Variants in SGCZ observed in about 807,000 individuals in gnomAD.
SGCZ encodes the protein sarcoglycan zeta.
In SGCZ, 40 loss-of-function variants were observed where a neutral mutation model predicts 41.3. That is an observed-to-expected ratio of 0.97 (90% CI 0.75 to 1.26). SGCZ has a LOEUF of 1.26. Among genes scored for constraint, SGCZ ranks in the 50% most tolerant of loss-of-function variants. SGCZ has a pLI of 0.00. For synonymous variants in SGCZ, 206 were observed against 137.5 expected (o/e 1.50, Z -3.49); for missense variants, 552 against 369.8 (o/e 1.49, Z -4.04).
chr8:14,401,416 T>C (rs1407058353), intron 2 of SGCZ, among the ~76,000 whole-genome samples: 5 of 142,152 alleles, frequency 3.5e-5, no homozygotes, highest in Non-Finnish European at 7.5e-5. Flanking sequence ...TAGGTATATC[T>C]CCTAAAGCTA....
chr8:14,272,141 C>T (rs2117265909), intron 3 of SGCZ, among the ~76,000 whole-genome samples: 1 of 152,214 alleles, frequency 6.6e-6, no homozygotes, highest in Admixed American at 6.5e-5. Flanking sequence ...GTAGCTGGGA[C>T]TACAGGTGCC....
intron 1 of SGCZ, among the ~76,000 whole-genome samples, chr8:14,863,377 T>G (rs1310840787): frequency 6.6e-6 from 1 of 152,078 alleles, no homozygotes; most frequent in Admixed American, 6.6e-5. Context: ...CAGGCTGGAG[T>G]GTAGTGACAC....
intron 2 of SGCZ, among the ~76,000 whole-genome samples, chr8:14,353,715 C>T (rs1216887228): frequency 1.3e-5 from 2 of 152,058 alleles, no homozygotes; most frequent in Non-Finnish European, 2.9e-5. Flanking sequence ...CTTCCTGTGT[C>T]TCTTCTTCTG....
chr8:14,395,806 A>G (rs749910205), intron 2 of SGCZ, among the ~76,000 whole-genome samples: 1 of 152,186 alleles, frequency 6.6e-6, no homozygotes, highest in Non-Finnish European at 1.5e-5. Flanking sequence ...GGGCAACCCA[A>G]AGTTATCTGG....
chr8:14,182,648 A>C (rs1407527027), intron 4 of SGCZ, among the ~76,000 whole-genome samples: 1 of 152,226 alleles, frequency 6.6e-6, no homozygotes, highest in Non-Finnish European at 1.5e-5. Context: ...GAATTAATGA[A>C]ATGAAATATA....
intron 4 of SGCZ, among the ~76,000 whole-genome samples, chr8:14,237,234 T>G: frequency 6.6e-6 from 1 of 152,044 alleles, no homozygotes; most frequent in African/African-American, 2.4e-5. Context: ...CTCAAAATAA[T>G]ACATTGGCAA....
At chr8:14,475,736 T>A (rs1159685030) in intron 2 of SGCZ, among the ~76,000 whole-genome samples, 1 of 152,226 alleles carries the variant, frequency 6.6e-6, no homozygotes, top group Non-Finnish European at 1.5e-5. Context: ...AGGAATTATA[T>A]GACAAGTTCC....
intron 2 of SGCZ, among the ~76,000 whole-genome samples, chr8:14,511,368 C>G (rs781550861): frequency 6.6e-6 from 1 of 151,860 alleles, no homozygotes; most frequent in Admixed American, 6.6e-5. Context: ...TCCCAATAGG[C>G]CCACTGCACA....
rs115440354 is a variant in SGCZ, at chr8:14,635,832, G to A, written c.40-80906C>T. On this transcript the variant is annotated intron_variant, in intron 1 of 7. Coordinates refer to ENST00000382080, the MANE Select transcript of SGCZ (RefSeq NM_139167.4). The stretch of plus-strand genomic sequence containing the variant: ...TATACTGTAATTGATGCTGGAGATA[G>A]AATGAGAGAAAAGTAGACATATTTC... Among the ~76,000 whole-genome samples, 1,329 of 151,902 alleles carry A rather than the reference G, an allele frequency of 8.7e-3. 19 individuals are homozygous for A. The highest frequency in any genetic ancestry group is 0.03 in the African/African-American group (1,259 of 41,478).
intron 3 of SGCZ, among the ~76,000 whole-genome samples, chr8:14,246,297 G>A (rs1186947155): frequency 2.0e-5 from 3 of 152,054 alleles, no homozygotes; most frequent in Non-Finnish European, 2.9e-5. Context: ...TCCTTTGTAG[G>A]GACACGGATG....
intron 1 of SGCZ, among the ~76,000 whole-genome samples, chr8:14,900,578 C>T (rs935745028): frequency 6.6e-6 from 1 of 152,176 alleles, no homozygotes; most frequent in Admixed American, 6.5e-5. Context: ...ACTTACCAGC[C>T]CATATGCAAA....
rs552089783 is a variant in SGCZ, at chr8:14,496,636, A to G, written c.234+58096T>C. 2.0e-5 allele frequency among the ~76,000 whole-genome samples: 3 copies of G among 152,218 alleles called. No homozygotes were observed. In the East Asian group the frequency reaches 5.8e-4, roughly 29 times the overall value. On this transcript the variant is annotated intron_variant, in intron 2 of 7. Coordinates refer to ENST00000382080, the MANE Select transcript of SGCZ (RefSeq NM_139167.4). ...GTATCACAGTTGTAGAAAATTAATC[A>G]CATTCTTTATTTTTTGAGACATTAT...
chr8:14,790,939 G>T (rs201304052), intron 1 of SGCZ, among the ~76,000 whole-genome samples: 1 of 151,370 alleles, frequency 6.6e-6, no homozygotes, highest in East Asian at 2.0e-4. Flanking sequence ...GTTAAGGCAG[G>T]AGGATCTCTT....
At chr8:14,288,537 G>T (rs1179337940) in intron 3 of SGCZ, among the ~76,000 whole-genome samples, 1 of 152,004 alleles carries the variant, frequency 6.6e-6, no homozygotes, top group Admixed American at 6.6e-5. Flanking sequence ...TATAATAAAT[G>T]ACCTTTTTGG....
intron 1 of SGCZ, among the ~76,000 whole-genome samples, chr8:14,636,464 A>G (rs1158143964): frequency 6.6e-6 from 1 of 151,936 alleles, no homozygotes; most frequent in Non-Finnish European, 1.5e-5. Flanking sequence ...GATGAAGAGA[A>G]ATGAGCAAAT....
chr8:14,412,669 G>A (rs1799392106), intron 2 of SGCZ, among the ~76,000 whole-genome samples: 1 of 152,024 alleles, frequency 6.6e-6, no homozygotes, highest in South Asian at 2.1e-4. Context: ...ATTTCAATAA[G>A]GAATTACAAC....
At chr8:14,821,497 A>C (rs1434074766) in intron 1 of SGCZ, among the ~76,000 whole-genome samples, 1 of 152,096 alleles carries the variant, frequency 6.6e-6, no homozygotes, top group Non-Finnish European at 1.5e-5. Context: ...TCCAAAAATG[A>C]ATAAGGAAAT....
chr8:14,170,719 A>G (rs1804352883), intron 4 of SGCZ, among the ~76,000 whole-genome samples: 1 of 152,150 alleles, frequency 6.6e-6, no homozygotes, highest in African/African-American at 2.4e-5. Context: ...AACAAAGTTG[A>G]CGGGTGAGAC....
intron 5 of SGCZ, chr8:14,161,396 T>C (rs1308914632): frequency 2.0e-5 from 3 of 152,218 alleles, no homozygotes; most frequent in Non-Finnish European, 4.4e-5. Flanking sequence ...TATGTGCCTA[T>C]GTGTATGTTT....
Sources: allele counts gnomAD v4.1 joint callset (sites outside exome capture counted in the v4.1 genomes callset), GRCh38; gene constraint gnomAD v4.1.1; transcripts MANE v1.5; gene names NCBI Gene and HGNC (gene_info 2026-07-23, HGNC 2026-07-21).